Variants in VCAN observed in about 807,000 individuals in gnomAD.
VCAN encodes the protein versican, also known as versican core protein.
Under a neutral mutation model 245.5 loss-of-function variants are expected in VCAN, and 44 were observed. The ratio of observed to expected loss-of-function variants is 0.18; its 90% CI spans 0.14 to 0.23. The LOEUF is 0.23. Ranked by LOEUF, VCAN falls within the 10% of genes least tolerant of loss-of-function variation. VCAN has a pLI of 1.00. For synonymous variants in VCAN, 1,413 were observed against 1,437.0 expected, an observed-to-expected ratio of 0.98 and a Z score of 0.38; for missense variants, 3,793 against 4,057.9, an observed-to-expected ratio of 0.93 and a Z score of 1.77.
At chr5:83,531,092 A>G (rs959217746) in intron 7 of VCAN, among the ~76,000 whole-genome samples, 1 of 152,182 alleles carries the variant, frequency 6.6e-6, no homozygotes, top group Non-Finnish European at 1.5e-5. Context: ...TGATTGGGTA[A>G]TGTATACAGC....
chr5:83,514,281 T>C (rs1745767265), intron 6 of VCAN, among the ~76,000 whole-genome samples: 1 of 147,790 alleles, frequency 6.8e-6, no homozygotes, highest in African/African-American at 2.4e-5. Context: ...ATTTATTTCC[T>C]ACTTAAGACG....
intron 8 of VCAN, among the ~76,000 whole-genome samples, chr5:83,542,778 T>C (rs1325222556): frequency 6.6e-6 from 1 of 152,216 alleles, no homozygotes. Context: ...CTCATACTTA[T>C]ATGCAATGTC....
intron 10 of VCAN, 82 bp from the exon 11 acceptor site, chr5:83,553,282 G>T (rs1041089578): frequency 1.9e-6 from 3 of 1,566,372 alleles, no homozygotes; most frequent in East Asian, 2.2e-5. Flanking sequence ...ACTGGCTTGG[G>T]TATCCTACTA....
chr5:83,499,161 G>A (rs1580609402), intron 5 of VCAN, among the ~76,000 whole-genome samples: 4 of 152,032 alleles, frequency 2.6e-5, no homozygotes, highest in East Asian at 3.9e-4. Flanking sequence ...GGCTATTGCA[G>A]CTCACACTGA....
rs141976792 is a variant in VCAN, at chr5:83,541,892, C to G, written c.8889C>G (p.Ala2963=). 1 of 1,614,046 alleles carries G rather than the reference C, an allele frequency of 6.2e-7. No individual in the cohort carries two copies. The highest frequency in any genetic ancestry group is 8.5e-7 in the Non-Finnish European group (1 of 1,179,992). ...TPEAGTVITT[A]DEIELEGATQ... ...AGGCTGGAACTGTTATTACAACTGC[C>G]GATGAAATTGAATTAGAAGGTGCTA... The change falls in exon 8 of 15, where the codon GCC becomes GCG. Residue 2963 remains alanine (A), a synonymous_variant. Transcript: ENST00000265077.
At chr5:83,495,362 G>A (rs1047379964) in intron 5 of VCAN, among the ~76,000 whole-genome samples, 1 of 152,198 alleles carries the variant, frequency 6.6e-6, no homozygotes, top group African/African-American at 2.4e-5. Context: ...CTTAGGTGTG[G>A]TTCTCTAGTA....
intron 5 of VCAN, among the ~76,000 whole-genome samples, chr5:83,511,527 A>G (rs1370942520): frequency 1.3e-5 from 2 of 149,842 alleles, no homozygotes; most frequent in African/African-American, 4.9e-5. Context: ...ATTCTGTACC[A>G]CTTCTGAGCC....
At chr5:83,571,321 G>A (rs1431906756) in intron 12 of VCAN, among the ~76,000 whole-genome samples, 7 of 152,084 alleles carry the variant, frequency 4.6e-5, no homozygotes, top group Admixed American at 4.6e-4. Context: ...CATAATTATT[G>A]TTGCCAGGAA....
At chr5:83,477,951 CT>C (rs55842421) in intron 1 of VCAN, among the ~76,000 whole-genome samples, 8,419 of 138,966 alleles carry the variant, frequency 0.061, 265 homozygotes, top group Admixed American at 0.13. Flanking sequence ...TAATTTTTTT[CT>C]TTTTTTTTTT....
Position 83,538,647 on chromosome 5 carries a change from C to A in VCAN, c.5644C>A (p.Pro1882Thr), listed in dbSNP as rs1241013606. 1.2e-6 allele frequency: 2 copies of A among 1,613,956 alleles called. No homozygotes were observed. Among genetic ancestry groups the A allele is most frequent in the African/African-American group, 2.7e-5 (2 of 74,894 alleles). ...TGTGGAAACTACATTCTCCACTGAG[C>A]CAACAGGACTGGTTTTGAGTACAGT... ...PHVETTFSTE[P>T]TGLVLSTVMD... is the part of the protein sequence containing the mutation. The change falls in exon 8 of 15, where the codon CCA becomes ACA. Residue 1882 changes from proline (P) to threonine (T), a missense_variant. Coordinates refer to ENST00000265077, the MANE Select transcript of VCAN (RefSeq NM_004385.5).
At chr5:83,472,778 TG>T (rs1387535126) in intron 1 of VCAN, among the ~76,000 whole-genome samples, 2 of 151,826 alleles carry the variant, frequency 1.3e-5, no homozygotes, top group Non-Finnish European at 2.9e-5. Context: ...GAGCAGAGGA[TG>T]GGGGGTGGGG....
At chr5:83,548,756 T>C (rs1747337919) in intron 10 of VCAN, among the ~76,000 whole-genome samples, 2 of 152,244 alleles carry the variant, frequency 1.3e-5, no homozygotes, top group South Asian at 2.1e-4. Context: ...AGCTTTGGAA[T>C]GTCGATTTCC....
chr5:83,555,159 A>C (rs1245072823), intron 12 of VCAN, 121 bp downstream of exon 12: 1 of 951,496 alleles, frequency 1.1e-6, no homozygotes, highest in East Asian at 2.6e-5. Context: ...GCTCAAGGTC[A>C]CTCAGTGAAA....
At chr5:83,536,436 C>T (rs1746710181) in intron 7 of VCAN, 1 of 152,098 alleles carries the variant, frequency 6.6e-6, no homozygotes, top group Admixed American at 6.6e-5. Context: ...CTTGTTTTTC[C>T]ATAAAACAGT....
Position 83,580,505 on chromosome 5 carries a change from C to T in VCAN, c.*71C>T, listed in dbSNP as rs2112511715. 8 of 1,597,090 alleles carry T rather than the reference C, an allele frequency of 5.0e-6. No homozygotes were observed. The South Asian group carries it at 9.0e-5, about 18-fold the overall frequency. On this transcript the variant is annotated 3_prime_UTR_variant, in exon 15 of 15. Transcript: ENST00000265077. The stretch of plus-strand genomic sequence containing the variant: ...CTAACTTCCTGTGCCTTTCCTATCA[C>T]CTCGAGAAGTAATTATCAGTTGGTT...
Position 83,490,306 on chromosome 5 carries a change from TGGTCAGGACTACAAA to T in VCAN, c.282_296del (p.Gln95_Gly99del). 6.2e-7 allele frequency: 1 copy of T among 1,614,196 alleles called. No homozygotes were observed. Among genetic ancestry groups the T allele is most frequent in the Non-Finnish European group, 8.5e-7 (1 of 1,180,036 alleles). ...TGGCCCAAAATGGAAATATCAAGAT[TGGTCAGGACTACAAA>T]GGGAGAGTGTCTGTGCCCACACATC... On this transcript the variant is annotated inframe_deletion, in exon 3 of 15. Coordinates refer to ENST00000265077, the MANE Select transcript of VCAN (RefSeq NM_004385.5).
At chr5:83,484,917 C>T (rs780228470) in intron 2 of VCAN, among the ~76,000 whole-genome samples, 2 of 152,080 alleles carry the variant, frequency 1.3e-5, no homozygotes, top group African/African-American at 2.4e-5. Flanking sequence ...GAAGAAACAT[C>T]GTGTGTTTGA....
chr5:83,516,008 G>T (rs993833408), intron 6 of VCAN, among the ~76,000 whole-genome samples: 2 of 152,162 alleles, frequency 1.3e-5, no homozygotes, highest in African/African-American at 4.8e-5. Flanking sequence ...CAAGGTGGGC[G>T]GATCATGAGG....
chr5:83,494,231 A>G (rs988023569), intron 5 of VCAN, among the ~76,000 whole-genome samples: 1 of 152,208 alleles, frequency 6.6e-6, no homozygotes, highest in African/African-American at 2.4e-5. Flanking sequence ...AGAAAGCTGT[A>G]AGGGTGGTAC....
Sources: gnomAD v4.1 joint callset for allele counts (sites outside exome capture counted in the v4.1 genomes callset) on GRCh38, gnomAD v4.1.1 for gene constraint, MANE v1.5 for transcripts, NCBI Gene and HGNC (gene_info 2026-07-23, HGNC 2026-07-21) for gene names.